The following KSR2 variants were observed in gnomAD, a reference collection of about 807,000 sequenced individuals.
KSR2 encodes the protein kinase suppressor of ras 2.
In KSR2, 25 loss-of-function variants were observed where a neutral mutation model predicts 107.8. That is an observed-to-expected ratio of 0.23 (90% CI 0.17 to 0.32). The LOEUF (loss-of-function observed/expected upper bound fraction) is 0.32, where lower values mean the gene tolerates loss of function less well. KSR2 is among the 10% of genes least tolerant of loss of function. The pLI, the probability that KSR2 is intolerant of heterozygous loss-of-function variation, is 1.00. For synonymous variants in KSR2, 480 were observed against 507.0 expected, an observed-to-expected ratio of 0.95 and a Z score of 0.71; for missense variants, 887 against 1,268.9, an observed-to-expected ratio of 0.70 and a Z score of 4.57.
chr12:117,755,270 C>T (rs1888747807), intron 4 of KSR2, among the ~76,000 whole-genome samples: 2 of 152,212 alleles, frequency 1.3e-5, no homozygotes, highest in African/African-American at 4.8e-5. Context: ...CTCCACTGCA[C>T]TTTGCAGACA....
At chr12:117,731,048 C>T (rs1242702060) in intron 4 of KSR2, among the ~76,000 whole-genome samples, 5 of 151,936 alleles carry the variant, frequency 3.3e-5, no homozygotes, top group African/African-American at 1.2e-4. Flanking sequence ...GCCGCCATCC[C>T]GTCTAGGAAG....
intron 9 of KSR2, among the ~76,000 whole-genome samples, chr12:117,546,384 T>C (rs1876866522): frequency 6.6e-6 from 1 of 152,226 alleles, no homozygotes; most frequent in Non-Finnish European, 1.5e-5. Flanking sequence ...TGTTGTTGCT[T>C]TCAAGATGCT....
At chr12:117,603,134 C>A (rs1335994524) in intron 5 of KSR2, among the ~76,000 whole-genome samples, 1 of 152,092 alleles carries the variant, frequency 6.6e-6, no homozygotes, top group Non-Finnish European at 1.5e-5. Flanking sequence ...GGTGACAGAG[C>A]CTTCTGGGTA....
Position 117,465,740 on chromosome 12 carries a change from C to T in KSR2, c.*1459G>A, listed in dbSNP as rs1352982190. The stretch of plus-strand genomic sequence containing the variant: ...GGAAACACAGAGGGGCTGTGGCCGC[C>T]CTGGGCTTCCTGTTCACTGCCCAGA... On this transcript the variant is annotated 3_prime_UTR_variant, in exon 20 of 20. Transcript: ENST00000339824. The T allele has an allele frequency of 7.8e-6, 1 of 128,940 alleles. No individual in the cohort carries two copies. The highest frequency in any genetic ancestry group is 1.8e-5 in the Non-Finnish European group (1 of 56,298). The allele number at this position is 128,940 out of a possible 1,614,324, so 8.0% of individuals were successfully genotyped here.
At chr12:117,947,713 T>C (rs1345541019) in intron 1 of KSR2, among the ~76,000 whole-genome samples, 2 of 152,080 alleles carry the variant, frequency 1.3e-5, no homozygotes, top group African/African-American at 4.8e-5. Context: ...CAAAAATCAA[T>C]TATATTTTTA....
chr12:117,468,639 G>A (rs923676659), intron 19 of KSR2, among the ~76,000 whole-genome samples: 3 of 152,196 alleles, frequency 2.0e-5, no homozygotes, highest in Non-Finnish European at 4.4e-5. Flanking sequence ...ACACAGGTGG[G>A]AGTATCTGTA....
At chr12:117,701,738 A>T (rs1331173748) in intron 4 of KSR2, among the ~76,000 whole-genome samples, 1 of 152,120 alleles carries the variant, frequency 6.6e-6, no homozygotes, top group Non-Finnish European at 1.5e-5. Flanking sequence ...CAGAACAGAG[A>T]AGAAGGCCTT....
At chr12:117,642,650 TTACCAGGCTCTAAGCCATAC>T (rs1235357129) in intron 5 of KSR2, among the ~76,000 whole-genome samples, 2 of 152,238 alleles carry the variant, frequency 1.3e-5, no homozygotes, top group African/African-American at 4.8e-5. Context: ...CCTTGATACC[TTACCAGGCTCTAAGCCATAC>T]TGGAGTTCGG....
At chr12:117,597,694 A>G (rs753825139) in intron 5 of KSR2, among the ~76,000 whole-genome samples, 6 of 152,246 alleles carry the variant, frequency 3.9e-5, no homozygotes, top group Non-Finnish European at 5.9e-5. Flanking sequence ...CACTGATTTT[A>G]TGATAATTTG....
chr12:117,503,103 A>G (rs1435762091), intron 14 of KSR2, among the ~76,000 whole-genome samples: 9 of 152,104 alleles, frequency 5.9e-5, no homozygotes, highest in Non-Finnish European at 1.2e-4. Context: ...GAGAGGGGAG[A>G]GAACTTATTA....
chr12:117,887,407 C>A (rs1894208755), intron 1 of KSR2, among the ~76,000 whole-genome samples: 1 of 152,078 alleles, frequency 6.6e-6, no homozygotes, highest in African/African-American at 2.4e-5. Context: ...GGCCCCTTGA[C>A]TTCCTTTCCA....
At chr12:117,911,771 C>A (rs544468265) in intron 1 of KSR2, among the ~76,000 whole-genome samples, 1 of 152,120 alleles carries the variant, frequency 6.6e-6, no homozygotes, top group South Asian at 2.1e-4. Flanking sequence ...TGACCAAATA[C>A]CACAATTCAT....
At position 117,596,052 on chromosome 12, in the gene KSR2, TCCCTCCCCTC is replaced by T. The variant is rs938469050; in HGVS notation, c.1172-13703_1172-13694del. Among the ~76,000 whole-genome samples, 26 of 147,782 alleles carry T rather than the reference TCCCTCCCCTC, an allele frequency of 1.8e-4. No homozygotes were observed. The East Asian group carries it at 2.9e-3, about 16-fold the overall frequency. ...TCCCTCCCTCCCTTCCTTTTTCCCT[TCCCTCCCCTC>T]CCCTCCCCTCCCCTCTGTTCTCATG... On this transcript the variant is annotated intron_variant, in intron 5 of 19. Transcript: ENST00000339824.
chr12:117,764,149 T>C (rs926005181), intron 3 of KSR2, among the ~76,000 whole-genome samples: 4 of 151,830 alleles, frequency 2.6e-5, no homozygotes, highest in Non-Finnish European at 5.9e-5. Context: ...AATTAGAAAA[T>C]TGAGATAAGA....
rs569680446 is a variant in KSR2 at position 117,789,709 on chromosome 12, G to T, written c.473-28185C>A. On this transcript the variant is annotated intron_variant, in intron 3 of 19. Transcript: ENST00000339824. ...TCACATTGGTCAAAACGTAATGCTTGAGGGAAGCCCCTCCCCTCCACCAAT... is the reference window on the plus strand; with the variant it reads ...TCACATTGGTCAAAACGTAATGCTTTAGGGAAGCCCCTCCCCTCCACCAAT... Among the ~76,000 whole-genome samples, 27 of 152,224 alleles carry T rather than the reference G, an allele frequency of 1.8e-4. No individual in the cohort carries two copies. The South Asian group carries it at 5.6e-3, about 32-fold the overall frequency.
Position 117,454,754 on chromosome 12 carries a change from A to C in KSR2, c.*12445T>G, listed in dbSNP as rs1298073675. The C allele has an allele frequency of 6.6e-6, 1 of 152,262 alleles. No homozygotes were observed. Among genetic ancestry groups the C allele is most frequent in the African/African-American group, 2.4e-5 (1 of 41,462 alleles). 9.4% of individuals were successfully genotyped at this position (152,262 alleles called of 1,614,324 possible). A position where few individuals can be genotyped will look rare whatever the true frequency, so the allele number is the denominator to read the frequency against. ...CATAGAGTGATATGAACTGTCCCAGAAAGAGGTTTTTTGCTGAAGAAGGTT... is the reference window on the plus strand; with the variant it reads ...CATAGAGTGATATGAACTGTCCCAGCAAGAGGTTTTTTGCTGAAGAAGGTT... On this transcript the variant is annotated 3_prime_UTR_variant, in exon 20 of 20. Coordinates refer to ENST00000339824, the MANE Select transcript of KSR2 (RefSeq NM_173598.6).
intron 10 of KSR2, among the ~76,000 whole-genome samples, chr12:117,537,457 A>G (rs1234086701): frequency 2.6e-5 from 4 of 152,214 alleles, no homozygotes; most frequent in African/African-American, 4.8e-5. Flanking sequence ...GAGGTCTTCA[A>G]TGAAACTGTC....
intron 5 of KSR2, among the ~76,000 whole-genome samples, chr12:117,639,017 A>C (rs185899609): frequency 6.3e-4 from 96 of 152,306 alleles, no homozygotes; most frequent in African/African-American, 2.0e-3. Context: ...ACTGCTTCAC[A>C]GGCCACACCC....
chr12:117,562,910 G>A (rs751974452), intron 7 of KSR2, among the ~76,000 whole-genome samples: 3 of 152,168 alleles, frequency 2.0e-5, no homozygotes, highest in African/African-American at 4.8e-5. Flanking sequence ...CTTGCACTTA[G>A]GTTCAGATGT....
Sources: gnomAD v4.1 joint callset for allele counts (sites outside exome capture counted in the v4.1 genomes callset) on GRCh38, gnomAD v4.1.1 for gene constraint, MANE v1.5 for transcripts, NCBI Gene and HGNC (gene_info 2026-07-23, HGNC 2026-07-21) for gene names.